Variants in PAPPA observed in about 807,000 individuals in gnomAD.
The protein encoded by PAPPA is pappalysin-1.
Under a neutral mutation model 164.0 loss-of-function variants are expected in PAPPA, and 60 were observed. The observed-to-expected ratio is 0.37, with a 90% CI of 0.30 to 0.45. The LOEUF (loss-of-function observed/expected upper bound fraction) is 0.45. Among genes scored for constraint, PAPPA ranks in the 20% least tolerant of loss-of-function variants. PAPPA has a pLI of 1.00. For synonymous variants in PAPPA, 875 were observed against 814.1 expected, an observed-to-expected ratio of 1.07 and a Z score of -1.27; for missense variants, 1,782 against 2,087.3, an observed-to-expected ratio of 0.85 and a Z score of 2.85.
chr9:116,274,271 T>C (rs1303532067), intron 9 of PAPPA, among the ~76,000 whole-genome samples: 1 of 152,198 alleles, frequency 6.6e-6, no homozygotes, highest in Non-Finnish European at 1.5e-5. Flanking sequence ...AGGAAAGCCT[T>C]CAGCTACGCC....
intron 9 of PAPPA, chr9:116,286,414 A>C (rs1040836199): frequency 6.6e-6 from 1 of 152,100 alleles, no homozygotes; most frequent in Admixed American, 6.6e-5. Flanking sequence ...CAGGTCTGCC[A>C]CCCCCCAGGC....
At chr9:116,324,317 T>C (rs938663530) in intron 10 of PAPPA, among the ~76,000 whole-genome samples, 1 of 152,186 alleles carries the variant, frequency 6.6e-6, no homozygotes, top group African/African-American at 2.4e-5. Context: ...CATATCATTG[T>C]AATACCCACC....
chr9:116,257,836 CT>C (rs1303937873), intron 7 of PAPPA, among the ~76,000 whole-genome samples: 1 of 151,886 alleles, frequency 6.6e-6, no homozygotes, highest in Non-Finnish European at 1.5e-5. Context: ...ATGAGGACTT[CT>C]AAATATAATA....
At chr9:116,365,333 C>T (rs1846485726) in intron 18 of PAPPA, among the ~76,000 whole-genome samples, 1 of 152,120 alleles carries the variant, frequency 6.6e-6, no homozygotes, top group Non-Finnish European at 1.5e-5. Flanking sequence ...AGGGCTGCCA[C>T]CCTCCCCGCG....
chr9:116,261,206 T>C (rs1470630498), intron 7 of PAPPA, among the ~76,000 whole-genome samples: 2 of 152,244 alleles, frequency 1.3e-5, no homozygotes, highest in African/African-American at 4.8e-5. Flanking sequence ...ACATAGAAAC[T>C]ATGATAGCTG....
chr9:116,311,902 A>T (rs11788049), intron 10 of PAPPA, among the ~76,000 whole-genome samples: 14,574 of 152,294 alleles, frequency 0.096, 764 homozygotes, highest in South Asian at 0.15. Flanking sequence ...TACAACAAAC[A>T]CATATTGATT....
intron 7 of PAPPA, among the ~76,000 whole-genome samples, chr9:116,258,289 A>G (rs1295131316): frequency 6.6e-6 from 1 of 152,026 alleles, no homozygotes; most frequent in African/African-American, 2.4e-5. Context: ...GAATGAACTT[A>G]TAATGTAAAT....
intron 7 of PAPPA, among the ~76,000 whole-genome samples, chr9:116,249,016 G>T (rs1046936149): frequency 2.0e-5 from 3 of 151,264 alleles, no homozygotes; most frequent in Admixed American, 6.6e-5. Context: ...CATTGGGCCA[G>T]AAGGTGTAAT....
chr9:116,300,213 T>G (rs1236852494), intron 9 of PAPPA, among the ~76,000 whole-genome samples: 1 of 152,166 alleles, frequency 6.6e-6, no homozygotes, highest in African/African-American at 2.4e-5. Flanking sequence ...AATTGATTTA[T>G]TCTGTTTCTT....
Position 116,220,157 on chromosome 9 carries a change from C to A in PAPPA, c.2111+28C>A, listed in dbSNP as rs748545554. On this transcript the variant is annotated intron_variant, in intron 5 of 21. Transcript: ENST00000328252. ...GAGTGTGCCCTGTGTAGTGTTGATC[C>A]CTCTCTCTCTCTCCTGCCAAGAAGA... 3 of 1,518,820 alleles carry A rather than the reference C, an allele frequency of 2.0e-6. No individual in the cohort carries two copies. The South Asian group carries it at 3.5e-5, about 18-fold the overall frequency. 94.1% of individuals were successfully genotyped at this position (1,518,820 alleles called of 1,614,324 possible). A position where few individuals can be genotyped will look rare whatever the true frequency, so the allele number is the denominator to read the frequency against.
chr9:116,220,280 G>A, intron 5 of PAPPA, 151 bp downstream of exon 5: 2 of 502,352 alleles, frequency 4.0e-6, no homozygotes, highest in Admixed American at 3.4e-5. Context: ...TTGTAAATTT[G>A]GGATCAGGGA....
At chr9:116,221,526 T>C (rs1004171903) in intron 5 of PAPPA, among the ~76,000 whole-genome samples, 1 of 152,122 alleles carries the variant, frequency 6.6e-6, no homozygotes, top group Non-Finnish European at 1.5e-5. Context: ...ACAAAACAAA[T>C]CATCTTCCTC....
At chr9:116,158,249 C>G (rs925506687) in intron 1 of PAPPA, among the ~76,000 whole-genome samples, 1 of 152,130 alleles carries the variant, frequency 6.6e-6, no homozygotes, top group African/African-American at 2.4e-5. Flanking sequence ...CTAGTATCCA[C>G]CCAACCCTCA....
chr9:116,289,313 GGCATATATATGGCATATATATA>G lies in PAPPA; in HGVS notation c.2954-13422_2954-13401del, dbSNP rs1399537033. Among the ~76,000 whole-genome samples, 139 of 119,012 alleles carry G rather than the reference GGCATATATATGGCATATATATA, an allele frequency of 1.2e-3. 1 individual carries two copies. Among genetic ancestry groups the G allele is most frequent in the African/African-American group, 4.4e-3 (137 of 31,198 alleles). 78.1% of individuals were successfully genotyped at this position (119,012 alleles called of 152,430 possible). On this transcript the variant is annotated intron_variant, in intron 9 of 21. Coordinates refer to ENST00000328252, the MANE Select transcript of PAPPA (RefSeq NM_002581.5). ...AATAGCATATATATAGCATATATAT[GGCATATATATGGCATATATATA>G]GCATATATATGGCATATATATGGCA...
chr9:116,263,529 T>G (rs193051686), intron 7 of PAPPA, among the ~76,000 whole-genome samples: 1 of 152,332 alleles, frequency 6.6e-6, no homozygotes, highest in East Asian at 1.9e-4. Flanking sequence ...GACAGGAATG[T>G]TGATAATTAA....
chr9:116,171,968 G>A (rs902800470), intron 1 of PAPPA, among the ~76,000 whole-genome samples: 1 of 152,164 alleles, frequency 6.6e-6, no homozygotes, highest in African/African-American at 2.4e-5. Context: ...CTTTTTCTAA[G>A]GTTTCATCGA....
At chr9:116,252,761 T>C (rs1163021508) in intron 7 of PAPPA, among the ~76,000 whole-genome samples, 1 of 152,208 alleles carries the variant, frequency 6.6e-6, no homozygotes, top group African/African-American at 2.4e-5. Flanking sequence ...CATCTACTGC[T>C]CACTCCACCC....
rs145155269 is a variant in PAPPA at position 116,257,633 on chromosome 9, C to T, written c.2733-8224C>T. Among the ~76,000 whole-genome samples the T allele has an allele frequency of 3.0e-3, 449 of 152,044 alleles. 3 individuals carry two copies. The highest frequency in any genetic ancestry group is 0.01 in the African/African-American group (429 of 41,542). Reference sequence around the variant, plus strand: ...AGGAGAATGGCGTGAACCCCAGACGCGGAGCTTGCAGTGAGCCGAGATCGC... The same window carrying T: ...AGGAGAATGGCGTGAACCCCAGACGTGGAGCTTGCAGTGAGCCGAGATCGC... On this transcript the variant is annotated intron_variant, in intron 7 of 21. Transcript: ENST00000328252.
At chr9:116,390,010 G>A (rs1040685103) in intron 21 of PAPPA, among the ~76,000 whole-genome samples, 3 of 152,018 alleles carry the variant, frequency 2.0e-5, no homozygotes, top group African/African-American at 7.2e-5. Context: ...TCCAATAGTA[G>A]GTACTCAACA....
Sources: gnomAD v4.1 joint callset for allele counts (sites outside exome capture counted in the v4.1 genomes callset) on GRCh38, gnomAD v4.1.1 for gene constraint, MANE v1.5 for transcripts, NCBI Gene and HGNC (gene_info 2026-07-23, HGNC 2026-07-21) for gene names.